The following CSMD2 variants were observed in gnomAD, a reference collection of about 807,000 sequenced individuals.
The protein encoded by CSMD2 is CUB and sushi domain-containing protein 2.
A neutral mutation model predicts 398.5 loss-of-function variants in CSMD2; 130 were observed. The ratio of observed to expected loss-of-function variants is 0.33; its 90% CI spans 0.28 to 0.38. CSMD2 has a LOEUF of 0.38. CSMD2 is among the 10% of genes least tolerant of loss of function. The pLI is 1.00. For missense variants in CSMD2, 3,829 were observed against 4,764.9 expected, an observed-to-expected ratio of 0.80 and a Z score of 5.78; for synonymous variants, 1,828 against 1,908.5, an observed-to-expected ratio of 0.96 and a Z score of 1.10.
intron 2 of CSMD2, among the ~76,000 whole-genome samples, chr1:34,084,274 C>G (rs1044021633): frequency 5.9e-5 from 9 of 152,316 alleles, no homozygotes; most frequent in African/African-American, 2.2e-4. Context: ...TGCTAGAACA[C>G]AGGCCAGACC....
At chr1:33,898,585 A>T (rs1451395912) in intron 5 of CSMD2, among the ~76,000 whole-genome samples, 1 of 152,170 alleles carries the variant, frequency 6.6e-6, no homozygotes, top group Non-Finnish European at 1.5e-5. Flanking sequence ...CAGAATAATG[A>T]ATCTTTTCCA....
intron 1 of CSMD2, among the ~76,000 whole-genome samples, chr1:34,140,238 T>C (rs1200946625): frequency 6.7e-6 from 1 of 149,006 alleles, no homozygotes; most frequent in Non-Finnish European, 1.5e-5. Flanking sequence ...ACTTGAGCCA[T>C]GGTTAATGCA....
At chr1:33,649,288 A>G (rs953065984) in intron 28 of CSMD2, among the ~76,000 whole-genome samples, 7 of 152,238 alleles carry the variant, frequency 4.6e-5, no homozygotes, top group Non-Finnish European at 7.3e-5. Context: ...CATTGTCCAC[A>G]GGCTCTCAGA....
intron 5 of CSMD2, among the ~76,000 whole-genome samples, chr1:33,875,828 C>T (rs951817835): frequency 2.0e-5 from 3 of 152,184 alleles, no homozygotes; most frequent in Non-Finnish European, 4.4e-5. Context: ...GCTGTTAAGT[C>T]ATCTTTGTAT....
chr1:33,536,697 T>C (rs965525391), intron 62 of CSMD2, among the ~76,000 whole-genome samples: 3 of 151,790 alleles, frequency 2.0e-5, no homozygotes, highest in African/African-American at 7.3e-5. Context: ...TGTCTGTGGG[T>C]GGGGTGGGCA....
intron 1 of CSMD2, among the ~76,000 whole-genome samples, chr1:34,094,767 G>T (rs1215818074): frequency 1.3e-5 from 2 of 152,120 alleles, no homozygotes; most frequent in Non-Finnish European, 2.9e-5. Flanking sequence ...AGCAAGTCCT[G>T]AGTGGCCTAC....
chr1:33,673,373 G>C (rs1272239161), intron 25 of CSMD2, among the ~76,000 whole-genome samples: 1 of 152,188 alleles, frequency 6.6e-6, no homozygotes, highest in Admixed American at 6.5e-5. Context: ...GATGGAAGAC[G>C]AAATGAATGA....
chr1:33,836,366 G>C (rs1041906373), intron 6 of CSMD2, among the ~76,000 whole-genome samples: 1 of 152,194 alleles, frequency 6.6e-6, no homozygotes, highest in Non-Finnish European at 1.5e-5. Flanking sequence ...TGCGTGCTGG[G>C]AGAACCACTA....
intron 44 of CSMD2, among the ~76,000 whole-genome samples, chr1:33,590,556 A>G (rs1041208845): frequency 1.3e-5 from 2 of 148,548 alleles, no homozygotes; most frequent in African/African-American, 5.0e-5. Flanking sequence ...TTGCTGTAGG[A>G]TCTTGGGTCT....
rs185789680 is a variant in CSMD2, at chr1:33,836,246, G to A, written c.1034-10472C>T. Among the ~76,000 whole-genome samples, 880 of 152,280 alleles carry A rather than the reference G, an allele frequency of 5.8e-3. 9 individuals are homozygous for A. The highest frequency in any genetic ancestry group is 0.02 in the African/African-American group (852 of 41,570). ...GAAGTTTTGTCTCAGAGGAGTACCC[G>A]GCTGTGTGAGGTGTCAGTCTGCCCC... On this transcript the variant is annotated intron_variant, in intron 6 of 70. Transcript: ENST00000373381.
intron 53 of CSMD2, among the ~76,000 whole-genome samples, chr1:33,566,100 G>GAA (rs150093800): frequency 1.9e-4 from 27 of 144,012 alleles, no homozygotes; most frequent in East Asian, 1.2e-3. Context: ...TGATGAAGAA[G>GAA]AAAAAAAAAA....
intron 10 of CSMD2, among the ~76,000 whole-genome samples, chr1:33,808,011 T>C (rs34615217): frequency 0.48 from 73,566 of 151,926 alleles, 18,373 homozygotes; most frequent in East Asian, 0.65. Flanking sequence ...AAAACATTAC[T>C]ACAGATAAAG....
At chr1:33,687,626 AAAAG>A (rs1645101543) in intron 25 of CSMD2, among the ~76,000 whole-genome samples, 1 of 152,210 alleles carries the variant, frequency 6.6e-6, no homozygotes, top group African/African-American at 2.4e-5. Context: ...CATTTTATGT[AAAAG>A]AAATATAGCC....
chr1:33,783,973 C>T (rs1036874086), intron 12 of CSMD2, among the ~76,000 whole-genome samples: 11 of 148,684 alleles, frequency 7.4e-5, no homozygotes, highest in Non-Finnish European at 1.0e-4. Context: ...GTTGAGTCCC[C>T]GGCCCCCACC....
intron 44 of CSMD2, among the ~76,000 whole-genome samples, chr1:33,593,063 A>G (rs1639581892): frequency 6.6e-6 from 1 of 152,228 alleles, no homozygotes; most frequent in Non-Finnish European, 1.5e-5. Context: ...ATGAACAGAT[A>G]AACAAAATGT....
rs1213098969 is a variant in CSMD2, at chr1:33,572,596, C to T, written c.7672G>A (p.Gly2558Ser). ...TCAGCGCCTGCCTGGAGGTGGTAGC[C>T]TTCACTGCAGCTGTACATGGCCTTG... ...GTKAMYSCSEGYHLQAGAEAT... is the reference protein window; with the variant it reads ...GTKAMYSCSESYHLQAGAEAT... Residue 2558 changes from glycine to serine, a missense_variant, in exon 50 of 71, where the codon GGC becomes AGC. Gly to Ser is a moderately conservative substitution (Grantham distance 56). This residue lies in a region of CSMD2 where 723 missense variants were observed against 758.6 expected (regional missense o/e 0.95). Coordinates refer to ENST00000373381, the MANE Select transcript of CSMD2 (RefSeq NM_001281956.2). 1.2e-6 allele frequency: 2 copies of T among 1,614,122 alleles called. No individual in the cohort carries two copies. Among genetic ancestry groups the T allele is most frequent in the Non-Finnish European group, 8.5e-7 (1 of 1,179,984 alleles).
At chr1:33,802,187 G>A (rs1278677791) in intron 10 of CSMD2, among the ~76,000 whole-genome samples, 1 of 152,190 alleles carries the variant, frequency 6.6e-6, no homozygotes. Flanking sequence ...GGACATCCCA[G>A]TCGAAGGGAG....
In CSMD2 at chr1:33,605,030, G is replaced by A. The variant is rs541244156; in HGVS notation, c.6532+252C>T. Among the ~76,000 whole-genome samples, 3 of 152,268 alleles carry A rather than the reference G, an allele frequency of 2.0e-5. No individual in the cohort carries two copies. The South Asian group carries it at 6.2e-4, about 32-fold the overall frequency. On this transcript the variant is annotated intron_variant, in intron 42 of 70. Coordinates refer to ENST00000373381, the MANE Select transcript of CSMD2 (RefSeq NM_001281956.2). ...GTCAGGGTGGATCTTCCCAAGGGCT[G>A]GGTGTGTCTTCCTCTTGGCTGTGGC...
At chr1:33,769,680 C>T (rs182743152) in intron 13 of CSMD2, among the ~76,000 whole-genome samples, 2 of 152,150 alleles carry the variant, frequency 1.3e-5, no homozygotes, top group East Asian at 3.9e-4. Flanking sequence ...GGGTAATTCC[C>T]TAGTAAAGAG....
Sources: gnomAD v4.1 joint callset for allele counts (sites outside exome capture counted in the v4.1 genomes callset) on GRCh38, gnomAD v4.1.1 for gene constraint, gnomAD v4.1.1 regional missense constraint, MANE v1.5 for transcripts, NCBI Gene and HGNC (gene_info 2026-07-23, HGNC 2026-07-21) for gene names.